CCDC167: variants seen among roughly 807,000 people sequenced by gnomAD.
The protein encoded by CCDC167 is coiled-coil domain containing 167, also known as coiled-coil domain-containing protein 167.
Under a neutral mutation model 12.7 loss-of-function variants are expected in CCDC167, and 15 were observed. That is an observed-to-expected ratio of 1.18 (90% CI 0.79 to 1.81). The LOEUF (loss-of-function observed/expected upper bound fraction) is 1.81, where lower values mean the gene tolerates loss of function less well. Among genes scored for constraint, CCDC167 ranks in the 40% most tolerant of loss-of-function variants. The probability of loss-of-function intolerance (pLI) is 0.00; values close to 1 mark genes in which losing one functional copy is unlikely to be tolerated. For missense variants in CCDC167, 121 were observed against 120.1 expected (o/e 1.01, Z -0.03); for synonymous variants, 52 against 49.0 (o/e 1.06, Z -0.26).
At chr6:37,499,760 C>G in intron 1 of CCDC167, 62 bp downstream of exon 1, 1 of 1,566,580 alleles carries the variant, frequency 6.4e-7, no homozygotes, top group East Asian at 2.2e-5. Flanking sequence ...CAGCCTATCC[C>G]TTATCCCGCG....
At chr6:37,483,884 G>A (rs190417678) in intron 3 of CCDC167, among the ~76,000 whole-genome samples, 9 of 152,326 alleles carry the variant, frequency 5.9e-5, no homozygotes, top group African/African-American at 1.9e-4. Context: ...GGCCACACTT[G>A]TATCAAAGTA....
Position 37,484,848 on chromosome 6 carries a change from T to C in CCDC167, c.152A>G (p.Lys51Arg). The change falls in exon 3 of 4, where the codon AAG (lysine) becomes AGG (arginine). Residue 51 changes from lysine to arginine, a missense_variant. Transcript: ENST00000373408. ...LSPEARRSLE[K>R]EKNSLMNKAS... ...TTTGTTCATTAGGCTGTTTTTCTCC[T>C]TCTCCAGGGACCTCCTGTGAGGGGA... 3 of 1,614,266 alleles carry C rather than the reference T, an allele frequency of 1.9e-6. No homozygotes were observed. The highest frequency in any genetic ancestry group is 1.3e-5 in the African/African-American group (1 of 75,072).
intron 1 of CCDC167, among the ~76,000 whole-genome samples, chr6:37,494,805 A>ATTTTTTTTTTTTTTTTTTTTTTT (rs201478338): frequency 8.7e-6 from 1 of 115,218 alleles, no homozygotes; most frequent in Non-Finnish European, 1.7e-5. Context: ...CTACCTACAA[A>ATTTTTTTTTTTTTTTTTTTTTTT]TTTTTTTTTT....
chr6:37,490,498 A>C (rs1302337067), intron 1 of CCDC167, among the ~76,000 whole-genome samples: 1 of 152,206 alleles, frequency 6.6e-6, no homozygotes, highest in Admixed American at 6.5e-5. Flanking sequence ...CCGTTCTTTT[A>C]ACAGAAAAGC....
chr6:37,489,742 T>C (rs999899155), intron 1 of CCDC167, among the ~76,000 whole-genome samples: 4 of 152,162 alleles, frequency 2.6e-5, no homozygotes, highest in Admixed American at 6.5e-5. Context: ...GGGAAAGTTA[T>C]ACTCTGAAGG....
Position 37,489,020 on chromosome 6 carries a change from G to A in CCDC167, c.43-3826C>T, listed in dbSNP as rs184811472. ...TGGGAGACCAAGGTGGGCGGATCAC[G>A]AGGTCAGGAGATCCAGACCATCCTG... is the stretch of plus-strand genomic sequence containing the variant. On this transcript the variant is annotated intron_variant, in intron 1 of 3. Coordinates refer to ENST00000373408, the MANE Select transcript of CCDC167 (RefSeq NM_138493.3). Among the ~76,000 whole-genome samples the A allele has an allele frequency of 4.8e-3, 723 of 152,150 alleles. 4 individuals carry two copies. Among genetic ancestry groups the A allele is most frequent in the Admixed American group, 7.3e-3 (111 of 15,292 alleles).
rs766049728 is a variant in CCDC167 at position 37,483,290 on chromosome 6, C to G, written c.191-1G>C. 9 of 1,608,568 alleles carry G rather than the reference C, an allele frequency of 5.6e-6. No individual in the cohort carries two copies. The South Asian group carries it at 7.7e-5, about 14-fold the overall frequency. ...TGCCGAAGAAACTTCAGTTCCTTCT[C>G]TGGGAGGAAAGAGGGTGATAGGGAT... On this transcript the variant is annotated splice_acceptor_variant, in intron 3 of 3. Transcript: ENST00000373408. LOFTEE classifies it high-confidence loss of function.
chr6:37,492,865 G>C (rs1259977599), intron 1 of CCDC167, among the ~76,000 whole-genome samples: 4 of 152,180 alleles, frequency 2.6e-5, no homozygotes, highest in Middle Eastern at 3.2e-3. Context: ...AGTCACACGG[G>C]GTTCTTAGGC....
chr6:37,484,323 G>A (rs1265952859), intron 3 of CCDC167, among the ~76,000 whole-genome samples: 2 of 152,214 alleles, frequency 1.3e-5, no homozygotes, highest in Non-Finnish European at 2.9e-5. Context: ...GCCCTCTGGC[G>A]CCCCGCCGGG....
At chr6:37,493,476 G>A (rs922602027) in intron 1 of CCDC167, among the ~76,000 whole-genome samples, 2 of 152,236 alleles carry the variant, frequency 1.3e-5, no homozygotes, top group African/African-American at 4.8e-5. Flanking sequence ...CCATCCAGCC[G>A]CGCTAGGTAA....
rs150566445 is a variant in CCDC167, at chr6:37,496,713, A to G, written c.42+3109T>C. ...ACGCAATGTCTCATTTAATCCTCAC[A>G]ACCACACTGTGAGGTGAGGTGCCAT... On this transcript the variant is annotated intron_variant, in intron 1 of 3. Transcript: ENST00000373408. 2.0e-3 allele frequency among the ~76,000 whole-genome samples: 303 copies of G among 152,318 alleles called. 2 individuals are homozygous for G. Among genetic ancestry groups the G allele is most frequent in the African/African-American group, 6.0e-3 (248 of 41,566 alleles).
Position 37,483,136 on chromosome 6 carries a change from G to T in CCDC167, c.*50C>A. ...AGGCTTGAAGTGCCTGCTTGATCCTGATCAAGGGGCCAAGTGGAAGCCTGT... is the reference window on the plus strand; with the variant it reads ...AGGCTTGAAGTGCCTGCTTGATCCTTATCAAGGGGCCAAGTGGAAGCCTGT... On this transcript the variant is annotated 3_prime_UTR_variant, in exon 4 of 4. Coordinates refer to ENST00000373408, the MANE Select transcript of CCDC167 (RefSeq NM_138493.3). 1 of 1,437,174 alleles carries T rather than the reference G, an allele frequency of 7.0e-7. No homozygotes were observed. The highest frequency in any genetic ancestry group is 1.1e-5 in the South Asian group (1 of 87,394). The allele number at this position is 1,437,174 out of a possible 1,614,324, so 89.0% of individuals were successfully genotyped here.
At chr6:37,495,746 CTGTT>C (rs1216189385) in intron 1 of CCDC167, among the ~76,000 whole-genome samples, 1 of 152,194 alleles carries the variant, frequency 6.6e-6, no homozygotes, top group Non-Finnish European at 1.5e-5. Flanking sequence ...CAAGTGGAGA[CTGTT>C]TGCAGGTGCT....
intron 1 of CCDC167, among the ~76,000 whole-genome samples, chr6:37,490,900 C>T (rs1454175051): frequency 6.6e-6 from 1 of 152,124 alleles, no homozygotes; most frequent in Non-Finnish European, 1.5e-5. Context: ...TTCAGCAGCC[C>T]CCAGGCAGAT....
At chr6:37,491,185 C>T (rs190459014) in intron 1 of CCDC167, among the ~76,000 whole-genome samples, 1 of 152,346 alleles carries the variant, frequency 6.6e-6, no homozygotes, top group African/African-American at 2.4e-5. Flanking sequence ...GGGGTGCCAG[C>T]TCCACGGCTA....
chr6:37,497,376 C>T (rs1171682077), intron 1 of CCDC167, among the ~76,000 whole-genome samples: 1 of 152,142 alleles, frequency 6.6e-6, no homozygotes, highest in African/African-American at 2.4e-5. Context: ...ATTGTTGATT[C>T]ATTAACACTG....
intron 1 of CCDC167, among the ~76,000 whole-genome samples, 180 bp from the exon 2 acceptor site, chr6:37,485,374 CA>C (rs1449848209): frequency 1.3e-5 from 2 of 152,252 alleles, no homozygotes; most frequent in Admixed American, 6.5e-5. Flanking sequence ...CCTCTGCCTC[CA>C]CGTGGTTCAG....
At chr6:37,498,198 ACCATGTCTCTT>A (rs1334803125) in intron 1 of CCDC167, among the ~76,000 whole-genome samples, 6 of 152,286 alleles carry the variant, frequency 3.9e-5, no homozygotes, top group African/African-American at 1.4e-4. Context: ...TCTAGAAGAG[ACCATGTCTCTT>A]CTAAAATAGT....
At chr6:37,495,243 G>C (rs916226749) in intron 1 of CCDC167, among the ~76,000 whole-genome samples, 10 of 152,144 alleles carry the variant, frequency 6.6e-5, no homozygotes. Flanking sequence ...ATCCACTTTA[G>C]GATACCGGCT....
Sources: allele counts gnomAD v4.1 joint callset (sites outside exome capture counted in the v4.1 genomes callset), GRCh38; gene constraint gnomAD v4.1.1; transcripts MANE v1.5; gene names NCBI Gene and HGNC (gene_info 2026-07-23, HGNC 2026-07-21).